RABGAP1L: variants seen among roughly 807,000 people sequenced by gnomAD.
RABGAP1L encodes rab GTPase-activating protein 1-like.
RABGAP1L carries 63 observed loss-of-function variants against 137.7 expected under a neutral mutation model. The observed-to-expected ratio is 0.46, with a 90% CI of 0.37 to 0.56. The LOEUF (loss-of-function observed/expected upper bound fraction) is 0.56. Ranked by LOEUF, RABGAP1L falls within the 20% of genes least tolerant of loss-of-function variation. The pLI, the probability that RABGAP1L is intolerant of heterozygous loss-of-function variation, is 0.00. For missense variants in RABGAP1L, 1,095 were observed against 1,244.0 expected (o/e 0.88, Z 1.80); for synonymous variants, 431 against 433.7 (o/e 0.99, Z 0.08).
chr1:174,962,735 G>A, intron 20 of RABGAP1L, among the ~76,000 whole-genome samples: 1 of 141,586 alleles, frequency 7.1e-6, no homozygotes, highest in East Asian at 1.9e-4. Flanking sequence ...AGAGGGAGTA[G>A]ACTTTTTAAA....
intron 17 of RABGAP1L, among the ~76,000 whole-genome samples, chr1:174,723,937 A>G (rs1422560901): frequency 6.6e-6 from 1 of 152,230 alleles, no homozygotes; most frequent in East Asian, 1.9e-4. Context: ...AGTAATTCTG[A>G]GAGAGTCAAA....
At chr1:174,234,186 G>A (rs1670941970) in intron 4 of RABGAP1L, among the ~76,000 whole-genome samples, 1 of 102,312 alleles carries the variant, frequency 9.8e-6, no homozygotes, top group Non-Finnish European at 1.8e-5. Context: ...AGATGAGTAG[G>A]TTGTGAAAAT....
intron 11 of RABGAP1L, among the ~76,000 whole-genome samples, chr1:174,310,171 A>G (rs1678689537): frequency 6.6e-6 from 1 of 152,060 alleles, no homozygotes; most frequent in Admixed American, 6.5e-5. Context: ...ACAGTATTTT[A>G]TGATTCTTTG....
At chr1:174,694,667 T>C (rs1166645735) in intron 15 of RABGAP1L, among the ~76,000 whole-genome samples, 6 of 151,924 alleles carry the variant, frequency 3.9e-5, no homozygotes, top group Non-Finnish European at 5.9e-5. Context: ...CATACGTGTG[T>C]ATGTGTCTTT....
intron 17 of RABGAP1L, among the ~76,000 whole-genome samples, chr1:174,737,089 G>A (rs1190478829): frequency 6.6e-6 from 1 of 152,168 alleles, no homozygotes; most frequent in Non-Finnish European, 1.5e-5. Context: ...TTGCTCCATA[G>A]CCTGCTTGAA....
At chr1:174,984,108 T>C (rs1017964273) in intron 24 of RABGAP1L, among the ~76,000 whole-genome samples, 5 of 150,248 alleles carry the variant, frequency 3.3e-5, no homozygotes, top group African/African-American at 1.2e-4. Flanking sequence ...TGCAGGTTTG[T>C]TACATAGGTA....
At chr1:174,406,680 A>T (rs1649321847) in intron 13 of RABGAP1L, among the ~76,000 whole-genome samples, 1 of 152,162 alleles carries the variant, frequency 6.6e-6, no homozygotes, top group Non-Finnish European at 1.5e-5. Context: ...TCATGCTTTA[A>T]TCTCAATACT....
chr1:174,302,719 A>G (rs967263991), intron 10 of RABGAP1L, among the ~76,000 whole-genome samples: 3 of 152,176 alleles, frequency 2.0e-5, no homozygotes, highest in Non-Finnish European at 2.9e-5. Flanking sequence ...ATCTGTGCTA[A>G]GTGTAGGTTT....
At chr1:174,849,929 C>T in intron 19 of RABGAP1L, 1 of 664,936 alleles carries the variant, frequency 1.5e-6, no homozygotes, top group South Asian at 1.3e-5. Flanking sequence ...CAGCTTTTAC[C>T]TGCATGGAAG....
chr1:174,311,693 G>A (rs1678868330), intron 11 of RABGAP1L, among the ~76,000 whole-genome samples: 2 of 152,100 alleles, frequency 1.3e-5, no homozygotes, highest in Non-Finnish European at 2.9e-5. Context: ...TGCAACCTCC[G>A]CCTCTTGGGT....
intron 19 of RABGAP1L, among the ~76,000 whole-genome samples, chr1:174,826,232 C>G (rs1170710038): frequency 6.6e-6 from 1 of 152,100 alleles, no homozygotes; most frequent in Non-Finnish European, 1.5e-5. Context: ...TTTCAGTTTT[C>G]TTTTTTTCTT....
At chr1:174,323,138 T>C (rs911645849) in intron 11 of RABGAP1L, among the ~76,000 whole-genome samples, 1 of 152,184 alleles carries the variant, frequency 6.6e-6, no homozygotes, top group African/African-American at 2.4e-5. Context: ...TGTCCTACTA[T>C]GTTTGAAGAA....
chr1:174,688,890 A>G (rs1204796200), intron 15 of RABGAP1L, among the ~76,000 whole-genome samples: 1 of 152,134 alleles, frequency 6.6e-6, no homozygotes, highest in Non-Finnish European at 1.5e-5. Context: ...AAGCAAAACT[A>G]AATTCTATTT....
intron 13 of RABGAP1L, among the ~76,000 whole-genome samples, chr1:174,615,361 G>T (rs995936089): frequency 6.6e-6 from 1 of 152,214 alleles, no homozygotes; most frequent in Non-Finnish European, 1.5e-5. Flanking sequence ...ATTTGCCTGG[G>T]TATCAGCAGC....
intron 13 of RABGAP1L, among the ~76,000 whole-genome samples, chr1:174,494,557 G>C (rs1457100753): frequency 2.0e-5 from 3 of 152,016 alleles, no homozygotes; most frequent in African/African-American, 7.3e-5. Flanking sequence ...TAATTGTTTT[G>C]CCTCCTATTT....
At chr1:174,660,794 A>G (rs1364483737) in intron 14 of RABGAP1L, among the ~76,000 whole-genome samples, 1 of 152,180 alleles carries the variant, frequency 6.6e-6, no homozygotes, top group Non-Finnish European at 1.5e-5. Context: ...TACTTTCTTA[A>G]TATGGCCTGC....
chr1:174,909,534 T>C (rs1388271656), intron 19 of RABGAP1L, among the ~76,000 whole-genome samples: 2 of 152,150 alleles, frequency 1.3e-5, no homozygotes, highest in Admixed American at 6.6e-5. Flanking sequence ...TCCTAAAAAT[T>C]TTTTGAAACA....
At chr1:174,181,257 T>C (rs1020023545) in intron 1 of RABGAP1L, among the ~76,000 whole-genome samples, 1 of 152,176 alleles carries the variant, frequency 6.6e-6, no homozygotes, top group African/African-American at 2.4e-5. Context: ...CCTCTCACTT[T>C]GGTCTCCCAA....
chr1:174,687,946 A>G (rs916483172), intron 15 of RABGAP1L, among the ~76,000 whole-genome samples: 1 of 152,172 alleles, frequency 6.6e-6, no homozygotes, highest in Non-Finnish European at 1.5e-5. Flanking sequence ...TGTACTTGGA[A>G]ATTTCTAGAT....
Sources: gnomAD v4.1 joint callset for allele counts (sites outside exome capture counted in the v4.1 genomes callset) on GRCh38, gnomAD v4.1.1 for gene constraint, MANE v1.5 for transcripts, NCBI Gene and HGNC (gene_info 2026-07-23, HGNC 2026-07-21) for gene names.